The following PKD1L1 variants were observed in gnomAD, a reference collection of about 807,000 sequenced individuals.
PKD1L1 encodes polycystin-1-like protein 1.
Under a neutral mutation model 323.4 loss-of-function variants are expected in PKD1L1, and 236 were observed. The ratio of observed to expected loss-of-function variants is 0.73; its 90% CI spans 0.66 to 0.81. PKD1L1 has a LOEUF of 0.81. Among genes scored for constraint, PKD1L1 ranks in the 40% least tolerant of loss-of-function variants. PKD1L1 has a pLI of 0.00. For synonymous variants in PKD1L1, 1,344 were observed against 1,335.0 expected (o/e 1.01, Z -0.15); for missense variants, 3,320 against 3,508.0 (o/e 0.95, Z 1.35).
chr7:47,948,617 G>A (rs982939645), upstream of PKD1L1: 7 of 601,766 alleles, frequency 1.2e-5, no homozygotes, highest in African/African-American at 1.1e-4. Context: ...TTCCCAAGCA[G>A]AAACAGCTTT....
At chr7:47,790,162 T>C (rs183119981) in intron 56 of PKD1L1, among the ~76,000 whole-genome samples, 21 of 152,164 alleles carry the variant, frequency 1.4e-4, no homozygotes, top group Admixed American at 9.8e-4. Flanking sequence ...GTGCTATGAT[T>C]ACGGGCGTGA....
At chr7:47,779,717 C>A (rs1200188657) in intron 56 of PKD1L1, among the ~76,000 whole-genome samples, 1 of 152,120 alleles carries the variant, frequency 6.6e-6, no homozygotes, top group African/African-American at 2.4e-5. Flanking sequence ...ACATATGGTG[C>A]GGGGCCCACA....
chr7:47,937,876 G>A lies in PKD1L1; in HGVS notation c.286-918C>T, dbSNP rs577995748. On this transcript the variant is annotated intron_variant, in intron 3 of 56. Coordinates refer to ENST00000289672, the MANE Select transcript of PKD1L1 (RefSeq NM_138295.5). ...TGGTCATGAGGCCTCTGTTGACCTT[G>A]CATTGACCTGTGCAGCTCTCCTTGT... 8.5e-5 allele frequency among the ~76,000 whole-genome samples: 13 copies of A among 152,238 alleles called. 1 individual carries two copies. Among genetic ancestry groups the A allele is most frequent in the Admixed American group, 8.5e-4 (13 of 15,292 alleles).
intron 19 of PKD1L1, among the ~76,000 whole-genome samples, chr7:47,882,790 A>G (rs2128747195): frequency 6.6e-6 from 1 of 152,254 alleles, no homozygotes; most frequent in Non-Finnish European, 1.5e-5. Context: ...TGAGTGCCCT[A>G]GGAAGCCACT....
chr7:47,803,436 A>C (rs1170318572), intron 52 of PKD1L1, 92 bp from the exon 53 acceptor site: 1 of 1,437,054 alleles, frequency 7.0e-7, no homozygotes. Flanking sequence ...TAAAGAGTTC[A>C]TTGGATTTGA....
the PKD1L1 span, among the ~76,000 whole-genome samples, chr7:47,954,338 T>A: frequency 6.6e-6 from 1 of 152,208 alleles, no homozygotes; most frequent in Non-Finnish European, 1.5e-5. Flanking sequence ...ATTCATAAGT[T>A]AGAAGCTTGG....
chr7:47,784,679 G>C (rs1174543830), intron 56 of PKD1L1, among the ~76,000 whole-genome samples: 1 of 151,998 alleles, frequency 6.6e-6, no homozygotes, highest in Non-Finnish European at 1.5e-5. Flanking sequence ...CACCATGTTG[G>C]CCAGGCTGGT....
intron 4 of PKD1L1, 112 bp downstream of exon 4, chr7:47,936,734 C>A: frequency 1.2e-6 from 1 of 810,018 alleles, no homozygotes; most frequent in Non-Finnish European, 2.0e-6. Flanking sequence ...CTAACCCACC[C>A]TCGGGCCATG....
chr7:47,887,999 T>G lies in PKD1L1; in HGVS notation c.2827A>C (p.Arg943=). Residue 943 remains arginine, a synonymous_variant, in exon 17 of 57, where the codon AGG becomes CGG. Coordinates refer to ENST00000289672, the MANE Select transcript of PKD1L1 (RefSeq NM_138295.5). ...LFLVNATEKN[R]IEVPFCRVVG... is the part of the protein sequence containing the mutation. ...TATTAATCCTTTTTACCTTCTATCC[T>G]ATTCTTTTCTGTTGCATTGACTAAA... 1 of 1,612,756 alleles carries G rather than the reference T, an allele frequency of 6.2e-7. No individual in the cohort carries two copies. The highest frequency in any genetic ancestry group is 8.5e-7 in the Non-Finnish European group (1 of 1,179,218).
intron 7 of PKD1L1, among the ~76,000 whole-genome samples, chr7:47,923,335 T>TAAAAAAAAA (rs371527820): frequency 8.1e-6 from 1 of 123,552 alleles, no homozygotes; most frequent in African/African-American, 3.1e-5. Flanking sequence ...CAATAAATAC[T>TAAAAAAAAA]AAAAAAAAAA....
At chr7:47,864,950 A>G (rs772872715) in intron 26 of PKD1L1, among the ~76,000 whole-genome samples, 1 of 151,650 alleles carries the variant, frequency 6.6e-6, no homozygotes, top group Non-Finnish European at 1.5e-5. Context: ...CTGGTCTCGA[A>G]CTCCTGACTT....
intron 7 of PKD1L1, among the ~76,000 whole-genome samples, chr7:47,926,341 C>A (rs1458261816): frequency 6.6e-6 from 1 of 152,168 alleles, no homozygotes; most frequent in African/African-American, 2.4e-5. Flanking sequence ...TTTGTATCTA[C>A]CTATGACCTG....
At chr7:47,887,868 G>A (rs562973709) in intron 17 of PKD1L1, 122 bp downstream of exon 17, 43 of 981,700 alleles carry the variant, frequency 4.4e-5, no homozygotes, top group Non-Finnish European at 5.6e-5. Flanking sequence ...ACGACGGACC[G>A]TTCACCAGGC....
At chr7:47,929,559 T>C in intron 6 of PKD1L1, 33 bp from the exon 7 acceptor site, 1 of 1,568,700 alleles carries the variant, frequency 6.4e-7, no homozygotes, top group Non-Finnish European at 8.7e-7. Context: ...TCAGATTTCA[T>C]GACAGTGGAC....
At chr7:47,852,129 C>T (rs1403549502) in intron 31 of PKD1L1, among the ~76,000 whole-genome samples, 2 of 152,138 alleles carry the variant, frequency 1.3e-5, no homozygotes, top group Non-Finnish European at 2.9e-5. Flanking sequence ...GCAACTTTCT[C>T]TCTAACGGCT....
At chr7:47,869,276 T>C (rs1051031647) in intron 24 of PKD1L1, among the ~76,000 whole-genome samples, 1 of 152,104 alleles carries the variant, frequency 6.6e-6, no homozygotes, top group Non-Finnish European at 1.5e-5. Context: ...TCAATAATAA[T>C]ATTAAATGTG....
chr7:47,902,369 C>G lies in PKD1L1; in HGVS notation c.2064+10G>C. 1 of 1,613,338 alleles carries G rather than the reference C, an allele frequency of 6.2e-7. No individual in the cohort carries two copies. Among genetic ancestry groups the G allele is most frequent in the Non-Finnish European group, 8.5e-7 (1 of 1,179,776 alleles). On this transcript the variant is annotated intron_variant, in intron 13 of 56. Coordinates refer to ENST00000289672, the MANE Select transcript of PKD1L1 (RefSeq NM_138295.5). Reference sequence around the variant, plus strand: ...AGGCTGGTGGAGGATTTCCCAGACTCCGAGCCTACCTGGACTTTCCCAGGC... The same window carrying G: ...AGGCTGGTGGAGGATTTCCCAGACTGCGAGCCTACCTGGACTTTCCCAGGC...
intron 51 of PKD1L1, 60 bp from the exon 52 acceptor site, chr7:47,808,447 C>A (rs1562939757): frequency 6.3e-7 from 1 of 1,594,136 alleles, no homozygotes; most frequent in East Asian, 2.2e-5. Context: ...ACCTGGCACC[C>A]CATGTGACAC....
intron 14 of PKD1L1, 51 bp downstream of exon 14, chr7:47,897,937 G>T: frequency 2.1e-6 from 3 of 1,433,422 alleles, no homozygotes; most frequent in South Asian, 2.8e-5. Context: ...CCAGGGCGAT[G>T]AGAAGCATGG....
Sources: allele counts gnomAD v4.1 joint callset (sites outside exome capture counted in the v4.1 genomes callset), GRCh38; gene constraint gnomAD v4.1.1; transcripts MANE v1.5; gene names NCBI Gene and HGNC (gene_info 2026-07-23, HGNC 2026-07-21).